NCKAP5: variants seen among roughly 807,000 people sequenced by gnomAD.
NCKAP5 encodes NCK associated protein 5, also known as nck-associated protein 5.
Under a neutral mutation model 167.0 loss-of-function variants are expected in NCKAP5, and 92 were observed. The ratio of observed to expected loss-of-function variants is 0.55; its 90% CI spans 0.47 to 0.66. The LOEUF is 0.66. NCKAP5 is among the 30% of genes least tolerant of loss of function. The pLI is 0.00. For synonymous variants in NCKAP5, 891 were observed against 877.4 expected (o/e 1.02, Z -0.27); for missense variants, 2,378 against 2,315.0 (o/e 1.03, Z -0.56).
Position 132,900,831 on chromosome 2 carries a change from G to T in NCKAP5, c.580-21915C>A, listed in dbSNP as rs192842072. Among the ~76,000 whole-genome samples, 281 of 151,860 alleles carry T rather than the reference G, an allele frequency of 1.9e-3. 6 individuals carry two copies. The highest frequency in any genetic ancestry group is 1.0e-3 in the Non-Finnish European group (68 of 67,924). ...AAAAATTAGCCAGGCATGGTGGCAG[G>T]CACCTGTAATCCCAGCTACTTGGGA... On this transcript the variant is annotated intron_variant, in intron 8 of 19. Coordinates refer to ENST00000409261, the MANE Select transcript of NCKAP5 (RefSeq NM_207363.3).
At chr2:133,528,926 C>T (rs930987444) in intron 2 of NCKAP5, among the ~76,000 whole-genome samples, 10 of 152,104 alleles carry the variant, frequency 6.6e-5, no homozygotes, top group Admixed American at 3.3e-4. Flanking sequence ...TTGGCTGTCT[C>T]GAATGCCTAG....
chr2:133,580,068 A>G, the NCKAP5 span, among the ~76,000 whole-genome samples: 943 of 152,220 alleles, frequency 6.2e-3, 15 homozygotes, highest in African/African-American at 0.021. Context: ...TAGCACATCA[A>G]TCCAAAGGTA....
At chr2:133,049,201 A>G (rs1404870414) in intron 6 of NCKAP5, among the ~76,000 whole-genome samples, 1 of 152,166 alleles carries the variant, frequency 6.6e-6, no homozygotes, top group African/African-American at 2.4e-5. Flanking sequence ...TGAGGTTTCC[A>G]TTTGGGTGTT....
intron 3 of NCKAP5, among the ~76,000 whole-genome samples, chr2:133,369,167 G>T (rs1426286075): frequency 6.6e-6 from 1 of 152,180 alleles, no homozygotes; most frequent in African/African-American, 2.4e-5. Flanking sequence ...TTTCATCGAG[G>T]GAATCACGGG....
At chr2:132,904,847 G>C (rs1693890566) in intron 8 of NCKAP5, among the ~76,000 whole-genome samples, 1 of 152,066 alleles carries the variant, frequency 6.6e-6, no homozygotes, top group African/African-American at 2.4e-5. Context: ...TTCCTGTTAT[G>C]AGTTTATACT....
intron 8 of NCKAP5, among the ~76,000 whole-genome samples, chr2:132,922,278 C>T (rs924146208): frequency 6.6e-6 from 1 of 152,124 alleles, no homozygotes; most frequent in Admixed American, 6.5e-5. Flanking sequence ...GAAACTTTGA[C>T]CCATTCTATG....
chr2:133,102,702 C>T (rs2081555619), intron 6 of NCKAP5, among the ~76,000 whole-genome samples: 1 of 150,368 alleles, frequency 6.7e-6, no homozygotes, highest in African/African-American at 2.4e-5. Context: ...TCTGGCATTG[C>T]TAACTGGATC....
intron 6 of NCKAP5, among the ~76,000 whole-genome samples, chr2:133,021,645 T>A (rs763157094): frequency 6.6e-6 from 1 of 152,180 alleles, no homozygotes; most frequent in Non-Finnish European, 1.5e-5. Context: ...TTTGTTGTTT[T>A]TTCAGAGACA....
chr2:132,759,315 C>T (rs1432722296), intron 16 of NCKAP5, among the ~76,000 whole-genome samples: 2 of 152,136 alleles, frequency 1.3e-5, no homozygotes, highest in African/African-American at 4.8e-5. Flanking sequence ...AATCACTGTG[C>T]TATATATTTC....
chr2:133,216,872 C>G (rs1438484900), intron 4 of NCKAP5, among the ~76,000 whole-genome samples: 1 of 152,052 alleles, frequency 6.6e-6, no homozygotes, highest in Non-Finnish European at 1.5e-5. Context: ...GTACATCTTA[C>G]AGATGTTACC....
chr2:133,419,575 G>A (rs959888606), intron 3 of NCKAP5, among the ~76,000 whole-genome samples: 4 of 152,036 alleles, frequency 2.6e-5, no homozygotes, highest in African/African-American at 9.7e-5. Context: ...GTACTCTTTT[G>A]TTTGCCACAT....
intron 8 of NCKAP5, among the ~76,000 whole-genome samples, chr2:132,894,545 A>G (rs1692987319): frequency 1.3e-5 from 2 of 151,930 alleles, no homozygotes; most frequent in Admixed American, 1.3e-4. Flanking sequence ...CTTTCTTTCC[A>G]TTGTTTGCAT....
At chr2:133,310,404 T>C (rs755943319) in intron 3 of NCKAP5, among the ~76,000 whole-genome samples, 1 of 152,196 alleles carries the variant, frequency 6.6e-6, no homozygotes, top group Non-Finnish European at 1.5e-5. Flanking sequence ...TAAGGCAGAC[T>C]TTCTAGTGGA....
chr2:133,185,820 ACT>A (rs2084923070), intron 5 of NCKAP5, among the ~76,000 whole-genome samples: 1 of 152,038 alleles, frequency 6.6e-6, no homozygotes, highest in Admixed American at 6.6e-5. Context: ...GTACCCTGAA[ACT>A]CTATTGATGT....
At chr2:132,741,871 A>G (rs752094033) in intron 16 of NCKAP5, among the ~76,000 whole-genome samples, 22 of 152,032 alleles carry the variant, frequency 1.4e-4, no homozygotes, top group Non-Finnish European at 2.9e-4. Flanking sequence ...TCTAATTACA[A>G]TTTAGCTATC....
intron 3 of NCKAP5, among the ~76,000 whole-genome samples, chr2:133,468,186 A>G (rs1325340793): frequency 7.3e-6 from 1 of 136,748 alleles, no homozygotes; most frequent in African/African-American, 2.8e-5. Context: ...CTTTGAATGC[A>G]TCCCAGAGAT....
At chr2:132,954,650 G>C (rs1265586998) in intron 8 of NCKAP5, 1 of 454,264 alleles carries the variant, frequency 2.2e-6, no homozygotes, top group East Asian at 7.0e-5. Context: ...GGAGAAACAG[G>C]CTACTTAACT....
intron 5 of NCKAP5, among the ~76,000 whole-genome samples, chr2:133,203,117 A>G (rs1003147195): frequency 6.6e-6 from 1 of 152,190 alleles, no homozygotes; most frequent in African/African-American, 2.4e-5. Flanking sequence ...ACTATTCACA[A>G]TAGCAAAGAC....
At chr2:132,694,706 C>G (rs572183581) in intron 19 of NCKAP5, among the ~76,000 whole-genome samples, 12 of 152,174 alleles carry the variant, frequency 7.9e-5, no homozygotes, top group Non-Finnish European at 1.8e-4. Flanking sequence ...GGGGTGCCAT[C>G]TGGCATAATG....
Sources: gnomAD v4.1 joint callset for allele counts (sites outside exome capture counted in the v4.1 genomes callset) on GRCh38, gnomAD v4.1.1 for gene constraint, MANE v1.5 for transcripts, NCBI Gene and HGNC (gene_info 2026-07-23, HGNC 2026-07-21) for gene names.